ATRN: variants seen among roughly 807,000 people sequenced by gnomAD.
The protein encoded by ATRN is attractin-2.
ATRN carries 54 observed loss-of-function variants against 178.7 expected under a neutral mutation model. The observed-to-expected ratio is 0.30, with a 90% CI of 0.24 to 0.38. The LOEUF (loss-of-function observed/expected upper bound fraction) is 0.38. ATRN is among the 10% of genes least tolerant of loss of function. ATRN has a pLI of 1.00. For missense variants in ATRN, 1,443 were observed against 1,815.1 expected, an observed-to-expected ratio of 0.79 and a Z score of 3.73; for synonymous variants, 636 against 663.0, an observed-to-expected ratio of 0.96 and a Z score of 0.63.
rs150604129 is a variant in ATRN at position 3,489,809 on chromosome 20, C to T, written c.410+18292C>T. The T allele has an allele frequency of 2.1e-3, 2,600 of 1,265,618 alleles. 43 individuals are homozygous for T. In the African/African-American group the frequency reaches 0.034, roughly 17 times the overall value. The allele number at this position is 1,265,618 out of a possible 1,614,324, so 78.4% of individuals were successfully genotyped here. Reference sequence around the variant, plus strand: ...CTTGGTAGGTGTAGTTTCCACAAATCTCACAGTTATAGTTGATATTTAGGC... The same window carrying T: ...CTTGGTAGGTGTAGTTTCCACAAATTTCACAGTTATAGTTGATATTTAGGC... On this transcript the variant is annotated intron_variant, in intron 1 of 28. Coordinates refer to ENST00000262919, the MANE Select transcript of ATRN (RefSeq NM_139321.3).
intron 1 of ATRN, among the ~76,000 whole-genome samples, chr20:3,517,776 T>C (rs1449550176): frequency 6.6e-6 from 1 of 150,548 alleles, no homozygotes; most frequent in East Asian, 1.9e-4. Context: ...GTCTCAAACA[T>C]AAAAAAAAAA....
chr20:3,620,971 A>AT (rs1379059656), intron 24 of ATRN, among the ~76,000 whole-genome samples: 2 of 151,954 alleles, frequency 1.3e-5, no homozygotes, highest in African/African-American at 2.4e-5. Flanking sequence ...TTAAAACATG[A>AT]TTTTTTTATT....
chr20:3,608,967 C>CAAA (rs758329997), intron 24 of ATRN, among the ~76,000 whole-genome samples: 1 of 58,262 alleles, frequency 1.7e-5, no homozygotes, highest in Non-Finnish European at 3.5e-5. Flanking sequence ...GACTCTGTCT[C>CAAA]AAAAAAAAAA....
intron 24 of ATRN, among the ~76,000 whole-genome samples, chr20:3,613,775 TC>T (rs1282636904): frequency 1.3e-5 from 2 of 151,306 alleles, no homozygotes; most frequent in African/African-American, 4.8e-5. Flanking sequence ...AAATTGAGAT[TC>T]TCCTTTTTTA....
intron 15 of ATRN, among the ~76,000 whole-genome samples, chr20:3,580,806 A>G (rs1196665061): frequency 3.3e-5 from 5 of 152,244 alleles, no homozygotes; most frequent in Admixed American, 6.5e-5. Context: ...GGCCATGGCT[A>G]CAATAGTAAT....
intron 22 of ATRN, 73 bp downstream of exon 22, chr20:3,598,073 C>T (rs1292583722): frequency 8.1e-6 from 8 of 985,894 alleles, no homozygotes; most frequent in Non-Finnish European, 1.3e-5. Context: ...TACGGATGGA[C>T]GTACTGCCTT....
chr20:3,620,398 C>T (rs1401520360), intron 24 of ATRN, among the ~76,000 whole-genome samples: 1 of 152,094 alleles, frequency 6.6e-6, no homozygotes, highest in Admixed American at 6.6e-5. Context: ...AGGTGCACAC[C>T]ACCACGCCAG....
intron 1 of ATRN, among the ~76,000 whole-genome samples, chr20:3,492,835 G>GA (rs2084814918): frequency 7.5e-6 from 1 of 132,686 alleles, no homozygotes; most frequent in Non-Finnish European, 1.6e-5. Context: ...AAATAGAAAG[G>GA]GAGAGAGAGA....
chr20:3,544,529 A>G (rs375218622), intron 3 of ATRN, among the ~76,000 whole-genome samples: 5 of 152,046 alleles, frequency 3.3e-5, no homozygotes, highest in South Asian at 2.1e-4. Flanking sequence ...TGGTGAATCA[A>G]TAATGGGGCA....
At chr20:3,597,782 G>A in intron 21 of ATRN, 124 bp from the exon 22 acceptor site, 2 of 589,892 alleles carry the variant, frequency 3.4e-6, no homozygotes, top group Non-Finnish European at 6.0e-6. Context: ...AGGAACCTGG[G>A]TACAGCTGAG....
At chr20:3,616,208 A>G (rs190195) in intron 24 of ATRN, among the ~76,000 whole-genome samples, 24,374 of 152,088 alleles carry the variant, frequency 0.16, 2,085 homozygotes, top group African/African-American at 0.18. Flanking sequence ...ATCTGGGAAC[A>G]TTGCCTTTGG....
chr20:3,641,590 CAAAAAAA>C (rs61692220), intron 27 of ATRN, among the ~76,000 whole-genome samples: 6 of 47,816 alleles, frequency 1.3e-4, no homozygotes, highest in African/African-American at 4.0e-4. Context: ...GACTCTGTCG[CAAAAAAA>C]AAAAAAAAAA....
chr20:3,475,279 G>A (rs372005891), intron 1 of ATRN, among the ~76,000 whole-genome samples: 124 of 152,108 alleles, frequency 8.2e-4, no homozygotes, highest in African/African-American at 2.6e-3. Context: ...TGAAGGGAAC[G>A]TAGGCTAACG....
chr20:3,556,628 T>C (rs1189665835), intron 6 of ATRN, among the ~76,000 whole-genome samples: 1 of 152,222 alleles, frequency 6.6e-6, no homozygotes, highest in Non-Finnish European at 1.5e-5. Context: ...TCTTTGCTTA[T>C]TTGCTTGCTT....
At chr20:3,543,215 C>T (rs890251795) in intron 3 of ATRN, among the ~76,000 whole-genome samples, 1 of 152,214 alleles carries the variant, frequency 6.6e-6, no homozygotes, top group South Asian at 2.1e-4. Context: ...TGGGGAGTAT[C>T]TGGGCTTATC....
intron 25 of ATRN, among the ~76,000 whole-genome samples, chr20:3,631,045 T>C (rs889025905): frequency 1.4e-5 from 2 of 143,088 alleles, no homozygotes; most frequent in African/African-American, 5.1e-5. Flanking sequence ...TGAGCTGGTC[T>C]CAAGCAGTCC....
Position 3,471,352 on chromosome 20 carries a change from A to AGGCCGC in ATRN, c.249_254dup (p.Ala88_Ala89dup). On this transcript the variant is annotated inframe_insertion, in exon 1 of 29. Transcript: ENST00000262919. ...CTGCTGCTGCTGCCCTGTGAGGCCG[A>AGGCCGC]GGCCGCGGCGGCGGCGGCGGCGGTG... is the stretch of plus-strand genomic sequence containing the variant. The AGGCCGC allele has an allele frequency of 6.7e-7, 1 of 1,486,114 alleles. No homozygotes were observed. The highest frequency in any genetic ancestry group is 1.3e-5 in the South Asian group (1 of 77,970). 92.1% of individuals were successfully genotyped at this position (1,486,114 alleles called of 1,614,324 possible).
chr20:3,500,863 A>G (rs1352567654), intron 1 of ATRN, among the ~76,000 whole-genome samples: 4 of 152,112 alleles, frequency 2.6e-5, no homozygotes, highest in Admixed American at 6.6e-5. Flanking sequence ...AAAAATTTAA[A>G]AAAATAAAAA....
At chr20:3,579,086 G>A (rs758404761) in intron 15 of ATRN, among the ~76,000 whole-genome samples, 3 of 152,160 alleles carry the variant, frequency 2.0e-5, no homozygotes, top group Non-Finnish European at 4.4e-5. Flanking sequence ...TCTGCTAGGG[G>A]AGAAAGAGAG....
Sources: allele counts gnomAD v4.1 joint callset (sites outside exome capture counted in the v4.1 genomes callset), GRCh38; gene constraint gnomAD v4.1.1; transcripts MANE v1.5; gene names NCBI Gene and HGNC (gene_info 2026-07-23, HGNC 2026-07-21).